Variants in IL1RAPL1 observed in about 807,000 individuals in gnomAD.
IL1RAPL1 encodes interleukin 1 receptor accessory protein like 1.
IL1RAPL1 carries 3 observed loss-of-function variants against 48.4 expected under a neutral mutation model. The ratio of observed to expected loss-of-function variants is 0.06; its 90% confidence interval spans 0.03 to 0.16. The LOEUF is 0.16. Ranked by LOEUF, IL1RAPL1 falls within the 10% of genes least tolerant of loss-of-function variation. IL1RAPL1 has a pLI of 1.00. For synonymous variants in IL1RAPL1, 185 were observed against 187.7 expected (o/e 0.99, Z 0.12); for missense variants, 349 against 530.6 (o/e 0.66, Z 3.36).
intron 2 of IL1RAPL1, among the ~76,000 whole-genome samples, chrX:28,804,737 T>A (rs1936710476): frequency 9.0e-6 from 1 of 111,695 alleles, no homozygotes; most frequent in Non-Finnish European, 1.9e-5. Context: ...CATCTCATGA[T>A]CCTTAACTTA....
At chrX:29,802,997 GTA>G (rs1569173332) in intron 6 of IL1RAPL1, among the ~76,000 whole-genome samples, 8 of 42,108 alleles carry the variant, frequency 1.9e-4, no homozygotes, top group African/African-American at 8.8e-4. Context: ...ACATATATAT[GTA>G]TGCATATATA....
At chrX:29,293,082 C>G (rs749020140) in intron 3 of IL1RAPL1, among the ~76,000 whole-genome samples, 19 of 111,292 alleles carry the variant, frequency 1.7e-4, no homozygotes, top group African/African-American at 6.2e-4. Context: ...GTCTGAGACA[C>G]GAAGACATTT....
chrX:28,928,676 A>G (rs754293863), intron 2 of IL1RAPL1, among the ~76,000 whole-genome samples: 1 of 112,230 alleles, frequency 8.9e-6, no homozygotes, highest in Admixed American at 9.5e-5. Context: ...ATTAAGTGAT[A>G]CTTTCTCAGA....
chrX:28,806,703 A>G (rs752332051), intron 2 of IL1RAPL1, among the ~76,000 whole-genome samples: 1 of 111,611 alleles, frequency 9.0e-6, no homozygotes, highest in Non-Finnish European at 1.9e-5. Flanking sequence ...CTCCGTGATG[A>G]ACAGTGATGA....
At chrX:28,847,456 AT>A (rs1164096515) in intron 2 of IL1RAPL1, among the ~76,000 whole-genome samples, 17 of 111,516 alleles carry the variant, frequency 1.5e-4, no homozygotes, top group Admixed American at 5.8e-4. Flanking sequence ...GCCTCTACTT[AT>A]AATGGTCTTT....
chrX:29,444,116 C>T (rs773214746), intron 5 of IL1RAPL1, among the ~76,000 whole-genome samples: 153 of 109,656 alleles, frequency 1.4e-3, no homozygotes, highest in African/African-American at 4.6e-3. Context: ...CCAAGGCGGG[C>T]GGATCACTTG....
At chrX:28,637,320 C>A (rs1357270914) in intron 1 of IL1RAPL1, among the ~76,000 whole-genome samples, 2 of 111,285 alleles carry the variant, frequency 1.8e-5, no homozygotes, top group East Asian at 2.8e-4. Context: ...ACAACAACAA[C>A]AAAAAAGGTT....
chrX:29,513,407 A>G (rs1935414132), intron 5 of IL1RAPL1, among the ~76,000 whole-genome samples: 1 of 111,937 alleles, frequency 8.9e-6, no homozygotes, highest in South Asian at 3.7e-4. Flanking sequence ...TAATAAAATT[A>G]TATGCTACAG....
chrX:28,676,400 T>C (rs1488314636), intron 1 of IL1RAPL1, among the ~76,000 whole-genome samples: 1 of 111,765 alleles, frequency 8.9e-6, no homozygotes, highest in Non-Finnish European at 1.9e-5. Flanking sequence ...TGTGCTGCAC[T>C]ATGCAATATT....
chrX:29,344,435 T>A (rs1006555587), intron 3 of IL1RAPL1, among the ~76,000 whole-genome samples: 3 of 112,188 alleles, frequency 2.7e-5, no homozygotes, highest in Non-Finnish European at 5.6e-5. Context: ...TCATTTTACA[T>A]AGCTATTTGC....
At chrX:29,637,516 T>C (rs924293852) in intron 5 of IL1RAPL1, among the ~76,000 whole-genome samples, 2 of 111,388 alleles carry the variant, frequency 1.8e-5, no homozygotes, top group African/African-American at 6.5e-5. Flanking sequence ...TATATATGAA[T>C]TGGAGAAGGT....
chrX:29,029,069 G>T (rs777723069), intron 2 of IL1RAPL1, among the ~76,000 whole-genome samples: 6 of 111,500 alleles, frequency 5.4e-5, no homozygotes, highest in Non-Finnish European at 7.5e-5. Context: ...TCACAAGGTG[G>T]CAAGAAGGAG....
At chrX:29,597,256 C>T (rs973594355) in intron 5 of IL1RAPL1, among the ~76,000 whole-genome samples, 2 of 106,460 alleles carry the variant, frequency 1.9e-5, no homozygotes, top group Admixed American at 1.0e-4. Context: ...CAGGTTCAAT[C>T]GATTCTCCTG....
chrX:29,056,160 A>C (rs1286130486), intron 2 of IL1RAPL1, among the ~76,000 whole-genome samples: 1 of 111,578 alleles, frequency 9.0e-6, no homozygotes, highest in African/African-American at 3.2e-5. Flanking sequence ...GAAACCATAG[A>C]AACTGATGCT....
At chrX:29,757,137 G>A (rs1424733774) in intron 6 of IL1RAPL1, among the ~76,000 whole-genome samples, 1 of 112,380 alleles carries the variant, frequency 8.9e-6, no homozygotes, top group Non-Finnish European at 1.9e-5. Context: ...CACTTAGTTT[G>A]TGGTTCTTTG....
At chrX:29,340,850 A>G (rs1156689339) in intron 3 of IL1RAPL1, among the ~76,000 whole-genome samples, 1 of 112,293 alleles carries the variant, frequency 8.9e-6, no homozygotes, top group Non-Finnish European at 1.9e-5. Context: ...CAGCCCTGTA[A>G]TGACTACTTT....
chrX:28,616,546 G>C (rs1934221052), intron 1 of IL1RAPL1, among the ~76,000 whole-genome samples: 1 of 109,674 alleles, frequency 9.1e-6, no homozygotes, highest in Admixed American at 9.7e-5. Context: ...GGAGTCTCCT[G>C]CCTCAGCCTC....
intron 2 of IL1RAPL1, among the ~76,000 whole-genome samples, chrX:29,221,271 T>G (rs1602119090): frequency 8.9e-6 from 1 of 112,088 alleles, no homozygotes; most frequent in Non-Finnish European, 1.9e-5. Flanking sequence ...TGCATAGCTA[T>G]CATGCAATGA....
In IL1RAPL1 at chrX:29,175,845, C is replaced by CAA. The variant is rs58728418; in HGVS notation, c.83-107069_83-107068dup. 2.4e-3 allele frequency among the ~76,000 whole-genome samples: 89 copies of CAA among 37,751 alleles called. 2 individuals carry two copies. Among genetic ancestry groups the CAA allele is most frequent in the African/African-American group, 5.6e-3 (51 of 9,123 alleles). The allele number at this position is 37,751 out of a possible 115,157, so 32.8% of individuals were successfully genotyped here. ...TGGGCAACAGAGTGAGACTCTGTCT[C>CAA]AAAAAAAAAAAAAAAAAAAAAAAAA... On this transcript the variant is annotated intron_variant, in intron 2 of 10. Transcript: ENST00000378993.
Sources: allele counts gnomAD v4.1 joint callset (sites outside exome capture counted in the v4.1 genomes callset), GRCh38; gene constraint gnomAD v4.1.1; transcripts MANE v1.5; gene names NCBI Gene and HGNC (gene_info 2026-07-23, HGNC 2026-07-21).